The following HYAL4 variants were observed in gnomAD, a reference collection of about 807,000 sequenced individuals.
HYAL4 encodes hyaluronidase 4.
Under a neutral mutation model 35.2 loss-of-function variants are expected in HYAL4, and 37 were observed. That is an observed-to-expected ratio of 1.05 (90% CI 0.81 to 1.38). The LOEUF (loss-of-function observed/expected upper bound fraction) is 1.38. Ranked by LOEUF, HYAL4 falls within the 40% of genes most tolerant of loss-of-function variation. The probability of loss-of-function intolerance (pLI) is 0.00; values close to 1 mark genes in which losing one functional copy is unlikely to be tolerated. For missense variants in HYAL4, 572 were observed against 572.4 expected, an observed-to-expected ratio of 1.00 and a Z score of 0.01; for synonymous variants, 198 against 203.2, an observed-to-expected ratio of 0.97 and a Z score of 0.22.
chr7:123,824,190 G>C (rs970990611), upstream of HYAL4, among the ~76,000 whole-genome samples: 7 of 151,964 alleles, frequency 4.6e-5, no homozygotes, highest in African/African-American at 1.5e-4. Context: ...AGAAATAATA[G>C]TATCTCTCCT....
the HYAL4 span, among the ~76,000 whole-genome samples, chr7:123,805,015 TC>T: frequency 1.3e-5 from 2 of 152,140 alleles, no homozygotes; most frequent in East Asian, 3.9e-4. Context: ...TAGCCTTTCT[TC>T]CCCAGGTGGT....
At chr7:123,872,029 C>T (rs1238255465) in intron 3 of HYAL4, among the ~76,000 whole-genome samples, 2 of 152,138 alleles carry the variant, frequency 1.3e-5, no homozygotes, top group Non-Finnish European at 2.9e-5. Flanking sequence ...TATACATTTA[C>T]AGGGTGCAAG....
chr7:123,799,203 A>G, the HYAL4 span, among the ~76,000 whole-genome samples: 3 of 149,888 alleles, frequency 2.0e-5, no homozygotes, highest in Non-Finnish European at 4.4e-5. Flanking sequence ...TTCACATTTA[A>G]TGTATTTTCC....
At chr7:123,853,684 TTTG>T (rs369090724) in intron 2 of HYAL4, among the ~76,000 whole-genome samples, 3 of 152,110 alleles carry the variant, frequency 2.0e-5, no homozygotes, top group South Asian at 2.1e-4. Context: ...TGGCCTGAAA[TTTG>T]TTGTTGTTGT....
chr7:123,857,243 C>T (rs1261723059), intron 2 of HYAL4, among the ~76,000 whole-genome samples: 1 of 152,144 alleles, frequency 6.6e-6, no homozygotes, highest in African/African-American at 2.4e-5. Flanking sequence ...AAAAAACCTC[C>T]TGGAGCTAGC....
chr7:123,811,343 C>A, the HYAL4 span, among the ~76,000 whole-genome samples: 1 of 152,222 alleles, frequency 6.6e-6, no homozygotes, highest in Non-Finnish European at 1.5e-5. Context: ...TACACATCCT[C>A]ACCAACATTT....
the HYAL4 span, among the ~76,000 whole-genome samples, chr7:123,792,934 C>T: frequency 4.6e-5 from 7 of 152,318 alleles, no homozygotes; most frequent in Admixed American, 3.3e-4. Context: ...CTCTTCCAGA[C>T]CTCCTCTCAT....
intron 1 of HYAL4, among the ~76,000 whole-genome samples, chr7:123,832,476 ATACTTTTTTTT>A (rs771095193): frequency 0.067 from 3,905 of 58,412 alleles, 590 homozygotes; most frequent in Non-Finnish European, 0.092. Context: ...CTATTGTGTC[ATACTTTTTTTT>A]TTTTTTTTTT....
At chr7:123,770,231 C>G in the HYAL4 span, among the ~76,000 whole-genome samples, 4 of 151,646 alleles carry the variant, frequency 2.6e-5, no homozygotes, top group Non-Finnish European at 5.9e-5. Flanking sequence ...AGGCGGATCA[C>G]GAGGATAGAG....
chr7:123,804,354 C>CA, the HYAL4 span, among the ~76,000 whole-genome samples: 5 of 152,148 alleles, frequency 3.3e-5, no homozygotes, highest in African/African-American at 9.7e-5. Context: ...CCCTGATTGT[C>CA]CTCTTCAGTG....
At chr7:123,843,523 C>T (rs1012163144), upstream of HYAL4, among the ~76,000 whole-genome samples, 1 of 151,912 alleles carries the variant, frequency 6.6e-6, no homozygotes, top group Non-Finnish European at 1.5e-5. Context: ...CTCTGTATTT[C>T]CTGAATTTGA....
intron 2 of HYAL4, among the ~76,000 whole-genome samples, chr7:123,853,186 A>G (rs1181690687): frequency 6.6e-6 from 1 of 152,204 alleles, no homozygotes; most frequent in African/African-American, 2.4e-5. Flanking sequence ...AAACAGAGAC[A>G]ATTTGACTTC....
At chr7:123,854,055 G>A (rs1806374496) in intron 2 of HYAL4, among the ~76,000 whole-genome samples, 1 of 152,136 alleles carries the variant, frequency 6.6e-6, no homozygotes, top group African/African-American at 2.4e-5. Context: ...TTGTATTTCT[G>A]TGGGATCAGT....
the HYAL4 span, among the ~76,000 whole-genome samples, chr7:123,776,593 T>C: frequency 6.6e-6 from 1 of 152,266 alleles, no homozygotes; most frequent in Non-Finnish European, 1.5e-5. Flanking sequence ...TTTATTTTTA[T>C]ATTTTGTAGA....
At chr7:123,799,814 A>G in the HYAL4 span, among the ~76,000 whole-genome samples, 2 of 152,134 alleles carry the variant, frequency 1.3e-5, no homozygotes, top group Admixed American at 6.5e-5. Flanking sequence ...CAATTCTAAT[A>G]TGAATTTTTG....
chr7:123,869,091 A>C lies in HYAL4; in HGVS notation c.818A>C (p.Asn273Thr), dbSNP rs1221216767. ...TGGAAATCCCTTGGAGACAGTGAAA[A>C]CATTTTGCGCTTCTCCAAATTTCGG... ...GVWKSLGDSE[N>T]ILRFSKFRVH... is the part of the protein sequence containing the mutation. Residue 273 changes from asparagine to threonine, a missense_variant, in exon 3 of 5, where the codon AAC becomes ACC. Asn to Thr is a moderately conservative substitution (Grantham distance 65, BLOSUM62 0). Transcript: ENST00000223026. 1.2e-6 allele frequency: 2 copies of C among 1,614,154 alleles called. No homozygotes were observed. The highest frequency in any genetic ancestry group is 3.3e-5 in the Admixed American group (2 of 60,022).
intron 1 of HYAL4, among the ~76,000 whole-genome samples, chr7:123,847,368 C>T (rs1257698916): frequency 1.3e-5 from 2 of 152,182 alleles, no homozygotes; most frequent in Non-Finnish European, 2.9e-5. Flanking sequence ...AGCTCACCAT[C>T]TTGAGCCATT....
chr7:123,800,654 CT>C, the HYAL4 span, among the ~76,000 whole-genome samples: 4,410 of 146,542 alleles, frequency 0.03, 139 homozygotes, highest in African/African-American at 0.084. Flanking sequence ...TTTTTTCTCT[CT>C]TTTTTTTTTG....
intron 1 of HYAL4, among the ~76,000 whole-genome samples, chr7:123,832,539 G>T (rs375070169): frequency 1.7e-5 from 2 of 117,334 alleles, no homozygotes; most frequent in African/African-American, 6.8e-5. Flanking sequence ...TCGCTCTGTC[G>T]CTCAGGCTGG....
Sources: gnomAD v4.1 joint callset for allele counts (sites outside exome capture counted in the v4.1 genomes callset) on GRCh38, gnomAD v4.1.1 for gene constraint, MANE v1.5 for transcripts, NCBI Gene and HGNC (gene_info 2026-07-23, HGNC 2026-07-21) for gene names.